PTER: variants seen among roughly 807,000 people sequenced by gnomAD.
The protein encoded by PTER is N-acetyltaurine hydrolase.
In PTER, 38 loss-of-function variants were observed where a neutral mutation model predicts 29.6. That is an observed-to-expected ratio of 1.28 (90% CI 0.99 to 1.68). PTER has a LOEUF of 1.68. Ranked by LOEUF, PTER falls within the 40% of genes most tolerant of loss-of-function variation. The probability of loss-of-function intolerance (pLI) is 0.00; values close to 1 mark genes in which losing one functional copy is unlikely to be tolerated. For synonymous variants in PTER, 172 were observed against 154.5 expected (o/e 1.11, Z -0.84); for missense variants, 482 against 427.8 (o/e 1.13, Z -1.12).
At chr10:16,451,605 A>G (rs1834210857) in intron 1 of PTER, among the ~76,000 whole-genome samples, 1 of 152,150 alleles carries the variant, frequency 6.6e-6, no homozygotes, top group Admixed American at 6.6e-5. Context: ...CCAGCTACTC[A>G]GGAGGCTGAG....
At chr10:16,441,394 G>A (rs1204704963) in intron 1 of PTER, among the ~76,000 whole-genome samples, 5 of 151,870 alleles carry the variant, frequency 3.3e-5, no homozygotes, top group Non-Finnish European at 5.9e-5. Flanking sequence ...TTTTTTTTCA[G>A]GCAGCTTCAA....
downstream of PTER, among the ~76,000 whole-genome samples, chr10:16,515,946 C>T (rs1481490938): frequency 6.6e-6 from 1 of 152,078 alleles, no homozygotes; most frequent in East Asian, 1.9e-4. Context: ...AGAAATGAGA[C>T]AGAAGTCAAG....
intron 3 of PTER, among the ~76,000 whole-genome samples, chr10:16,502,044 A>C (rs1039213111): frequency 1.3e-5 from 2 of 152,250 alleles, no homozygotes; most frequent in African/African-American, 2.4e-5. Flanking sequence ...CTTTACATTT[A>C]CCACGGACTT....
At chr10:16,490,799 A>G (rs1455961924) in intron 3 of PTER, among the ~76,000 whole-genome samples, 1 of 151,528 alleles carries the variant, frequency 6.6e-6, no homozygotes, top group Non-Finnish European at 1.5e-5. Context: ...AAGTTAGAAA[A>G]TTATGCTTGG....
chr10:16,518,875 T>A, the PTER span, among the ~76,000 whole-genome samples: 1 of 152,128 alleles, frequency 6.6e-6, no homozygotes, highest in South Asian at 2.1e-4. Context: ...TTTGTGAGGG[T>A]GATTCAATAG....
rs761760787 is a variant in PTER, at chr10:16,484,336, G to GA, written c.-43dup. The GA allele has an allele frequency of 2.7e-6, 4 of 1,475,258 alleles. No individual in the cohort carries two copies. Among genetic ancestry groups the GA allele is most frequent in the East Asian group, 4.5e-5 (2 of 44,020 alleles). 91.4% of individuals were successfully genotyped at this position (1,475,258 alleles called of 1,614,324 possible). A position where few individuals can be genotyped will look rare whatever the true frequency, so the allele number is the denominator to read the frequency against. On this transcript the variant is annotated splice_region_variant and 5_prime_UTR_variant. Transcript: ENST00000535784. ...TTGTTTGTTTGTTTGTTTGTTTTTA[G>GA]AAAAAAGAAATCCTCTTTTTAGAAC...
chr10:16,508,470 C>T (rs1054207294), intron 4 of PTER, among the ~76,000 whole-genome samples: 1 of 152,050 alleles, frequency 6.6e-6, no homozygotes, highest in African/African-American at 2.4e-5. Flanking sequence ...ATCTTTTGCA[C>T]ACCTGTGTCT....
chr10:16,517,014 A>G (rs922375229), downstream of PTER, among the ~76,000 whole-genome samples: 5 of 152,176 alleles, frequency 3.3e-5, no homozygotes, highest in Non-Finnish European at 7.4e-5. Flanking sequence ...AGGACTTGAA[A>G]TTTCAAGCTC....
At chr10:16,508,162 A>G (rs894590933) in intron 4 of PTER, among the ~76,000 whole-genome samples, 5 of 139,866 alleles carry the variant, frequency 3.6e-5, no homozygotes, top group East Asian at 2.1e-4. Flanking sequence ...TCTGCCTCCC[A>G]GGTTCACGCC....
At position 16,505,054 on chromosome 10, in the gene PTER, G is replaced by T; in HGVS notation, c.733G>T (p.Ala245Ser). 6.2e-7 allele frequency: 1 copy of T among 1,613,948 alleles called. No homozygotes were observed. The highest frequency in any genetic ancestry group is 2.2e-5 in the East Asian group (1 of 44,854). ...ILDKKELLEF[A>S]QLGCYLEYDL... is the part of the protein sequence containing the mutation. ...TGATAAGAAAGAGCTCTTGGAGTTT[G>T]CTCAACTTGGCTGCTACTTGGAATA... Residue 245 changes from alanine to serine, a missense_variant, in exon 4 of 5, where the codon GCT (alanine) becomes TCT (serine). Physicochemically the swap from Ala to Ser is moderately conservative, Grantham distance 99. Transcript: ENST00000535784.
chr10:16,438,994 A>G (rs909046212), intron 1 of PTER, among the ~76,000 whole-genome samples: 1 of 151,694 alleles, frequency 6.6e-6, no homozygotes, highest in Non-Finnish European at 1.5e-5. Context: ...TTATGAGGAT[A>G]AGATCCTGAT....
intron 1 of PTER, among the ~76,000 whole-genome samples, chr10:16,465,473 C>T (rs1403617558): frequency 3.9e-5 from 6 of 152,114 alleles, no homozygotes; most frequent in Non-Finnish European, 8.8e-5. Context: ...GAAGTTGCCC[C>T]CTCAGATCTG....
At chr10:16,443,367 G>C (rs911643877) in intron 1 of PTER, among the ~76,000 whole-genome samples, 1 of 152,192 alleles carries the variant, frequency 6.6e-6, no homozygotes, top group African/African-American at 2.4e-5. Flanking sequence ...CACATCCTAA[G>C]GTGCTGAGGG....
At chr10:16,480,691 C>T (rs1419412262) in intron 1 of PTER, among the ~76,000 whole-genome samples, 1 of 152,048 alleles carries the variant, frequency 6.6e-6, no homozygotes, top group Non-Finnish European at 1.5e-5. Flanking sequence ...TTCAAAATGC[C>T]ACTGAAAAAT....
At chr10:16,461,888 C>G (rs1834626233) in intron 1 of PTER, among the ~76,000 whole-genome samples, 1 of 151,896 alleles carries the variant, frequency 6.6e-6, no homozygotes, top group Non-Finnish European at 1.5e-5. Context: ...TGAGTGATAC[C>G]AAATCATTAC....
intron 4 of PTER, among the ~76,000 whole-genome samples, chr10:16,510,477 A>T (rs1192052731): frequency 6.6e-6 from 1 of 152,234 alleles, no homozygotes; most frequent in Non-Finnish European, 1.5e-5. Flanking sequence ...TAAAATGCTG[A>T]CCAACCTTTT....
chr10:16,449,593 G>A (rs930646264), intron 1 of PTER, among the ~76,000 whole-genome samples: 1 of 151,986 alleles, frequency 6.6e-6, no homozygotes, highest in South Asian at 2.1e-4. Flanking sequence ...GTTGCCACTT[G>A]CCCTCTGCCA....
At chr10:16,447,530 T>G (rs932254347) in intron 1 of PTER, among the ~76,000 whole-genome samples, 1 of 152,238 alleles carries the variant, frequency 6.6e-6, no homozygotes, top group African/African-American at 2.4e-5. Flanking sequence ...AGGTTTACAT[T>G]CATTATTACT....
At chr10:16,437,191 T>C (rs940693184) in intron 1 of PTER, 144 bp downstream of exon 1, 1 of 152,268 alleles carries the variant, frequency 6.6e-6, no homozygotes, top group South Asian at 2.1e-4. Flanking sequence ...TTCTAGCCGC[T>C]GCGCTTGGGC....
Sources: allele counts gnomAD v4.1 joint callset (sites outside exome capture counted in the v4.1 genomes callset), GRCh38; gene constraint gnomAD v4.1.1; transcripts MANE v1.5; gene names NCBI Gene and HGNC (gene_info 2026-07-23, HGNC 2026-07-21).